RB1CC1: variants seen among roughly 807,000 people sequenced by gnomAD.
RB1CC1 encodes the protein RB1-inducible coiled-coil protein 1.
Under a neutral mutation model 177.5 loss-of-function variants are expected in RB1CC1, and 46 were observed. The observed-to-expected ratio is 0.26, with a 90% CI of 0.20 to 0.33. The LOEUF (loss-of-function observed/expected upper bound fraction) is 0.33, where lower values mean the gene tolerates loss of function less well. Ranked by LOEUF, RB1CC1 falls within the 10% of genes least tolerant of loss-of-function variation. The pLI, the probability that RB1CC1 is intolerant of heterozygous loss-of-function variation, is 1.00. For missense variants in RB1CC1, 1,703 were observed against 1,816.3 expected, an observed-to-expected ratio of 0.94 and a Z score of 1.13; for synonymous variants, 666 against 613.6, an observed-to-expected ratio of 1.09 and a Z score of -1.26.
chr8:52,655,638 T>C lies in RB1CC1; in HGVS notation c.3821+370A>G, dbSNP rs181867006. ...ACAAAATTTTAGTCTTTAATATATA[T>C]ACTAAATTTAAAGAGAATATAAGTA... On this transcript the variant is annotated intron_variant, in intron 15 of 23. Coordinates refer to ENST00000025008, the MANE Select transcript of RB1CC1 (RefSeq NM_014781.5). 1.2e-3 allele frequency among the ~76,000 whole-genome samples: 184 copies of C among 152,150 alleles called. 1 individual carries two copies. Among genetic ancestry groups the C allele is most frequent in the African/African-American group, 4.2e-3 (173 of 41,556 alleles).
At chr8:52,685,596 T>G in intron 2 of RB1CC1, 76 bp from the exon 3 acceptor site, 1 of 546,630 alleles carries the variant, frequency 1.8e-6, no homozygotes, top group Non-Finnish European at 3.2e-6. Flanking sequence ...TATGACACAG[T>G]ACAGTATTAC....
intron 16 of RB1CC1, among the ~76,000 whole-genome samples, chr8:52,644,898 C>A (rs543433410): frequency 7.9e-5 from 12 of 152,256 alleles, no homozygotes; most frequent in African/African-American, 2.9e-4. Flanking sequence ...ATACCCCAAA[C>A]TGCAATATTA....
chr8:52,646,922 C>T (rs1850098583), intron 15 of RB1CC1, among the ~76,000 whole-genome samples: 1 of 152,124 alleles, frequency 6.6e-6, no homozygotes, highest in Non-Finnish European at 1.5e-5. Flanking sequence ...TGCTAAGCCT[C>T]AAAAAGTTGC....
intron 1 of RB1CC1, among the ~76,000 whole-genome samples, chr8:52,707,784 T>G (rs1351219367): frequency 6.6e-6 from 1 of 152,200 alleles, no homozygotes; most frequent in African/African-American, 2.4e-5. Context: ...TTTCACTTAA[T>G]TGTACTATCT....
At position 52,674,192 on chromosome 8, in the gene RB1CC1, T is replaced by C. The variant is rs1852866269; in HGVS notation, c.655A>G (p.Arg219Gly). Reference protein sequence around the residue: ...TRHSYRECLGRLDSLPEHEDS... With the variant: ...TRHSYRECLGGLDSLPEHEDS... Reference sequence around the variant, plus strand: ...TCATGTTCAGGTAAAGAATCCAGTCTTCCCAAACATTCTCTGTAACTATGT... The same window carrying C: ...TCATGTTCAGGTAAAGAATCCAGTCCTCCCAAACATTCTCTGTAACTATGT... Residue 219 changes from arginine (R) to glycine (G), a missense_variant, in exon 7 of 24, where the codon AGA becomes GGA. Coordinates refer to ENST00000025008, the MANE Select transcript of RB1CC1 (RefSeq NM_014781.5). 4 of 1,612,786 alleles carry C rather than the reference T, an allele frequency of 2.5e-6. No individual in the cohort carries two copies. The highest frequency in any genetic ancestry group is 3.4e-6 in the Non-Finnish European group (4 of 1,178,754).
At position 52,708,010 on chromosome 8, in the gene RB1CC1, G is replaced by A. The variant is rs1040608700; in HGVS notation, c.-167+6065C>T. On this transcript the variant is annotated intron_variant, in intron 1 of 23. Transcript: ENST00000025008. The stretch of plus-strand genomic sequence containing the variant: ...AATAATGTACTTCAGAGTCCTTTAC[G>A]GTGCTAGGAATATACTAAAAGCTTT... Among the ~76,000 whole-genome samples the A allele has an allele frequency of 8.5e-5, 13 of 152,158 alleles. No homozygotes were observed. In the South Asian group the frequency reaches 1.2e-3, roughly 15 times the overall value.
chr8:52,704,377 CAAT>C lies in RB1CC1; in HGVS notation c.-167+9695_-167+9697del, dbSNP rs1856370887. ...CACATTACCTGCCTTCCAAAAAGTT[CAAT>C]AATACTAATATGAAGAGAGGTATGC... On this transcript the variant is annotated intron_variant, in intron 1 of 23. Coordinates refer to ENST00000025008, the MANE Select transcript of RB1CC1 (RefSeq NM_014781.5). Among the ~76,000 whole-genome samples, 3 of 144,232 alleles carry C rather than the reference CAAT, an allele frequency of 2.1e-5. No individual in the cohort carries two copies. The South Asian group carries it at 6.8e-4, about 33-fold the overall frequency. 94.6% of individuals were successfully genotyped at this position (144,232 alleles called of 152,430 possible).
At position 52,627,852 on chromosome 8, in the gene RB1CC1, G is replaced by A. The variant is rs563897751; in HGVS notation, c.4636+180C>T. ...TGTATAAGCTACACTCCTTAATTCT[G>A]AATTGTAAATGGAATCCATGAAAAT... On this transcript the variant is annotated intron_variant, in intron 22 of 23. Coordinates refer to ENST00000025008, the MANE Select transcript of RB1CC1 (RefSeq NM_014781.5). Among the ~76,000 whole-genome samples, 15 of 152,062 alleles carry A rather than the reference G, an allele frequency of 9.9e-5. No individual in the cohort carries two copies. In the South Asian group the frequency reaches 1.2e-3, roughly 13 times the overall value.
chr8:52,647,539 GACTCAGACT>G (rs1318679870), intron 15 of RB1CC1, among the ~76,000 whole-genome samples: 1 of 152,160 alleles, frequency 6.6e-6, no homozygotes, highest in Non-Finnish European at 1.5e-5. Flanking sequence ...CTTACAAAGA[GACTCAGACT>G]ACTAATAATG....
chr8:52,627,979 T>C, intron 22 of RB1CC1, 53 bp downstream of exon 22: 1 of 1,446,170 alleles, frequency 6.9e-7, no homozygotes, highest in South Asian at 1.4e-5. Flanking sequence ...AATCTTTACT[T>C]ATATAATTTC....
chr8:52,666,568 A>G (rs1293912440), intron 8 of RB1CC1, among the ~76,000 whole-genome samples: 1 of 152,028 alleles, frequency 6.6e-6, no homozygotes, highest in Non-Finnish European at 1.5e-5. Context: ...ATATAAACAG[A>G]CACACAGGAA....
intron 7 of RB1CC1, among the ~76,000 whole-genome samples, chr8:52,670,017 G>T (rs1852420450): frequency 6.6e-6 from 1 of 152,202 alleles, no homozygotes; most frequent in Non-Finnish European, 1.5e-5. Flanking sequence ...GCACTGGCAT[G>T]ATCACAGCTC....
intron 1 of RB1CC1, among the ~76,000 whole-genome samples, chr8:52,688,601 CTT>C (rs1854509659): frequency 6.6e-6 from 1 of 152,174 alleles, no homozygotes; most frequent in Admixed American, 6.5e-5. Context: ...AACATAGACC[CTT>C]ATCAGTAGTT....
rs1433501460 is a variant in RB1CC1, at chr8:52,657,813, TGGA to T, written c.2013_2015del (p.Pro673del). On this transcript the variant is annotated inframe_deletion, in exon 15 of 24. Transcript: ENST00000025008. ...ATAAGGGATCCTGAACAGTCAGTGG[TGGA>T]GGAGTTCTCGGTGAGGTAGTAGTTG... The T allele has an allele frequency of 3.1e-6, 5 of 1,613,964 alleles. No homozygotes were observed. The highest frequency in any genetic ancestry group is 1.1e-5 in the South Asian group (1 of 91,062).
rs1425334456 is a variant in RB1CC1, at chr8:52,668,025, G to A, written c.1169C>T (p.Ala390Val). The change falls in exon 8 of 24, where the codon GCT (alanine) becomes GTT (valine). Residue 390 changes from alanine (A) to valine (V), a missense_variant. Transcript: ENST00000025008. ...GRLVNEQKEL[A>V]QGFLANQKRA... The stretch of plus-strand genomic sequence containing the variant: ...AGAAAAGTCTAAAATAGGTACCTGA[G>A]CAAGCTCTTTCTGTTCATTCACCAG... 6.2e-7 allele frequency: 1 copy of A among 1,611,912 alleles called. No individual in the cohort carries two copies. The highest frequency in any genetic ancestry group is 1.7e-5 in the Admixed American group (1 of 59,494).
At chr8:52,654,249 G>A (rs1850882207) in intron 15 of RB1CC1, among the ~76,000 whole-genome samples, 2 of 152,216 alleles carry the variant, frequency 1.3e-5, no homozygotes, top group Admixed American at 1.3e-4. Context: ...GGACTGTCTA[G>A]TATTCCATAG....
chr8:52,712,511 A>C (rs1407300166), intron 1 of RB1CC1, among the ~76,000 whole-genome samples: 1 of 151,752 alleles, frequency 6.6e-6, no homozygotes, highest in African/African-American at 2.4e-5. Context: ...AAAAAAAAAA[A>C]AAAAACTCAG....
chr8:52,708,504 G>A (rs947104158), intron 1 of RB1CC1, among the ~76,000 whole-genome samples: 2 of 151,564 alleles, frequency 1.3e-5, no homozygotes, highest in Admixed American at 6.6e-5. Context: ...GCAACAGAGC[G>A]AGACTCGTCT....
At chr8:52,690,538 C>A (rs1367283418) in intron 1 of RB1CC1, among the ~76,000 whole-genome samples, 1 of 152,112 alleles carries the variant, frequency 6.6e-6, no homozygotes, top group African/African-American at 2.4e-5. Flanking sequence ...TCAAAGGAGG[C>A]CTCTACGTGG....
Sources: allele counts gnomAD v4.1 joint callset (sites outside exome capture counted in the v4.1 genomes callset), GRCh38; gene constraint gnomAD v4.1.1; transcripts MANE v1.5; gene names NCBI Gene and HGNC (gene_info 2026-07-23, HGNC 2026-07-21).